Variants in LARP1 observed in about 807,000 individuals in gnomAD.
The protein encoded by LARP1 is la-related protein 1.
LARP1 carries 36 observed loss-of-function variants against 122.7 expected under a neutral mutation model. The ratio of observed to expected loss-of-function variants is 0.29; its 90% CI spans 0.22 to 0.39. The LOEUF (loss-of-function observed/expected upper bound fraction) is 0.39, where lower values mean the gene tolerates loss of function less well. Ranked by LOEUF, LARP1 falls within the 10% of genes least tolerant of loss-of-function variation. The pLI, the probability that LARP1 is intolerant of heterozygous loss-of-function variation, is 1.00. For missense variants in LARP1, 1,040 were observed against 1,403.6 expected, an observed-to-expected ratio of 0.74 and a Z score of 4.14; for synonymous variants, 539 against 528.7, an observed-to-expected ratio of 1.02 and a Z score of -0.27.
intron 1 of LARP1, among the ~76,000 whole-genome samples, chr5:154,734,167 C>CA (rs200029143): frequency 0.018 from 2,245 of 124,348 alleles, 56 homozygotes; most frequent in South Asian, 0.1. Flanking sequence ...AACTCCCTCT[C>CA]AAAAAAAAAA....
At chr5:154,770,971 G>T (rs1205669399) in intron 1 of LARP1, among the ~76,000 whole-genome samples, 5 of 152,130 alleles carry the variant, frequency 3.3e-5, no homozygotes, top group African/African-American at 1.2e-4. Flanking sequence ...AATTAGCCAG[G>T]CGTGGCAGCA....
At chr5:154,735,236 C>T (rs1756806269) in intron 1 of LARP1, among the ~76,000 whole-genome samples, 1 of 152,112 alleles carries the variant, frequency 6.6e-6, no homozygotes, top group Non-Finnish European at 1.5e-5. Context: ...GGGCAGGTCA[C>T]CTGAGGTCAG....
chr5:154,710,752 A>G (rs1375294510), upstream of LARP1, among the ~76,000 whole-genome samples: 1 of 151,670 alleles, frequency 6.6e-6, no homozygotes, highest in African/African-American at 2.4e-5. Context: ...CAAAAAAAAA[A>G]AAAAAAAAAA....
chr5:154,804,560 G>C (rs1023064038), intron 14 of LARP1, among the ~76,000 whole-genome samples: 1 of 152,138 alleles, frequency 6.6e-6, no homozygotes, highest in Non-Finnish European at 1.5e-5. Context: ...TCTCTGAATT[G>C]GTTTCCAAGC....
rs1757570953 is a variant in LARP1 at position 154,794,210 on chromosome 5, G to A, written c.1180G>A (p.Glu394Lys). ...CTACTTTGACAATGTCAGCAGCACC[G>A]AGCTTTACAGTGTGGATCAGGAACT... Reference protein sequence around the residue: ...TYYFDNVSSTELYSVDQELLK... With the variant: ...TYYFDNVSSTKLYSVDQELLK... The change falls in exon 7 of 19, where the codon GAG (glutamate) becomes AAG (lysine). Residue 394 changes from glutamate (E) to lysine (K), a missense_variant. Glu to Lys is a moderately conservative substitution (Grantham distance 56). Coordinates refer to ENST00000518297, the MANE Select transcript of LARP1 (RefSeq NM_033551.3). 1.2e-6 allele frequency: 2 copies of A among 1,614,154 alleles called. No homozygotes were observed. The highest frequency in any genetic ancestry group is 2.2e-5 in the South Asian group (2 of 91,072).
intron 8 of LARP1, among the ~76,000 whole-genome samples, chr5:154,798,144 C>T (rs1758040432): frequency 6.6e-6 from 1 of 151,930 alleles, no homozygotes; most frequent in Non-Finnish European, 1.5e-5. Flanking sequence ...TTCTCCCTAC[C>T]CCTATAATTT....
At chr5:154,812,844 C>A (rs903876827) in intron 18 of LARP1, among the ~76,000 whole-genome samples, 1 of 151,994 alleles carries the variant, frequency 6.6e-6, no homozygotes, top group Non-Finnish European at 1.5e-5. Flanking sequence ...ACCGTCAGAT[C>A]TTGTGAGAAC....
At chr5:154,779,696 C>T (rs773529596) in intron 1 of LARP1, among the ~76,000 whole-genome samples, 17 of 151,902 alleles carry the variant, frequency 1.1e-4, no homozygotes, top group East Asian at 1.9e-4. Context: ...TTAGTAGAGA[C>T]GGGGTTTCTC....
At chr5:154,795,893 T>C (rs1457761068) in intron 8 of LARP1, among the ~76,000 whole-genome samples, 5 of 128,598 alleles carry the variant, frequency 3.9e-5, no homozygotes, top group East Asian at 4.1e-4. Context: ...CATTTATATA[T>C]ATTTATATAT....
chr5:154,779,505 C>A (rs914782805), intron 1 of LARP1, among the ~76,000 whole-genome samples: 1 of 123,204 alleles, frequency 8.1e-6, no homozygotes, highest in Non-Finnish European at 1.7e-5. Flanking sequence ...TACATTCTCT[C>A]TTTTTTTTTT....
chr5:154,684,009 A>G (rs1336608209), intron 1 of LARP1, among the ~76,000 whole-genome samples: 1 of 152,164 alleles, frequency 6.6e-6, no homozygotes, highest in Admixed American at 6.5e-5. Flanking sequence ...ATTTGGTTAT[A>G]AGAAGTTGTT....
At chr5:154,772,980 C>CT (rs545991732) in intron 1 of LARP1, among the ~76,000 whole-genome samples, 14,607 of 114,964 alleles carry the variant, frequency 0.13, 1,280 homozygotes, top group African/African-American at 0.24. Flanking sequence ...CGCACCTGGC[C>CT]TTTTTTTTTT....
In LARP1 at chr5:154,790,560, T is replaced by C. The variant is rs116587292; in HGVS notation, c.499-85T>C. The C allele has an allele frequency of 4.0e-3, 5,913 of 1,485,100 alleles. 19 individuals carry two copies. The highest frequency in any genetic ancestry group is 0.011 in the Middle Eastern group (66 of 5,800). The allele number at this position is 1,485,100 out of a possible 1,614,324, so 92.0% of individuals were successfully genotyped here. On this transcript the variant is annotated intron_variant, in intron 2 of 18. Transcript: ENST00000518297. ...CTGGTGAACAGACTGATTTGGCCTCTGATCTCTTGGTGAAGCTTGGGTCGG... is the reference window on the plus strand; with the variant it reads ...CTGGTGAACAGACTGATTTGGCCTCCGATCTCTTGGTGAAGCTTGGGTCGG...
intron 1 of LARP1, among the ~76,000 whole-genome samples, chr5:154,717,374 C>G (rs1755575698): frequency 6.6e-6 from 1 of 152,166 alleles, no homozygotes; most frequent in Non-Finnish European, 1.5e-5. Flanking sequence ...CATAGCTGGG[C>G]CCTGGTCCTA....
intron 1 of LARP1, among the ~76,000 whole-genome samples, chr5:154,785,350 T>C (rs1756799577): frequency 6.6e-6 from 1 of 152,264 alleles, no homozygotes; most frequent in African/African-American, 2.4e-5. Context: ...TCTGATTCTT[T>C]CATTTTGAGA....
chr5:154,755,781 G>C lies in LARP1; in HGVS notation c.24G>C (p.Leu8=). 1.0e-6 allele frequency: 1 copy of C among 989,184 alleles called. No homozygotes were observed. The highest frequency in any genetic ancestry group is 1.2e-6 in the Non-Finnish European group (1 of 832,020). 61.3% of individuals were successfully genotyped at this position (989,184 alleles called of 1,614,324 possible). The change falls in exon 1 of 19, where the codon CTG becomes CTC. Residue 8 remains leucine, a synonymous_variant. Coordinates refer to ENST00000518297, the MANE Select transcript of LARP1 (RefSeq NM_033551.3). MATQVEP[L]LPGGATLLQA... ...AGATGGCCACTCAGGTGGAGCCGCTGCTGCCTGGGGGCGCCACGCTCTTGC... is the reference window on the plus strand; with the variant it reads ...AGATGGCCACTCAGGTGGAGCCGCTCCTGCCTGGGGGCGCCACGCTCTTGC...
intron 1 of LARP1, among the ~76,000 whole-genome samples, chr5:154,739,741 C>G (rs981896191): frequency 1.3e-5 from 2 of 152,158 alleles, no homozygotes; most frequent in African/African-American, 4.8e-5. Flanking sequence ...AATATTCTTT[C>G]TCTTTATTCA....
Position 154,794,089 on chromosome 5 carries a change from T to G in LARP1, c.1070-11T>G, listed in dbSNP as rs755705001. 8 of 1,613,978 alleles carry G rather than the reference T, an allele frequency of 5.0e-6. No individual in the cohort carries two copies. In the African/African-American group the frequency reaches 1.1e-4, roughly 22 times the overall value. On this transcript the variant is annotated splice_polypyrimidine_tract_variant and intron_variant, in intron 6 of 18. Transcript: ENST00000518297. Reference sequence around the variant, plus strand: ...ATCTCCTCTCCCTCATGGCACCCGTTTCCCCCATAGCCCATTTTGACTACC... The same window carrying G: ...ATCTCCTCTCCCTCATGGCACCCGTGTCCCCCATAGCCCATTTTGACTACC...
chr5:154,798,219 A>G (rs1366108772), intron 8 of LARP1, among the ~76,000 whole-genome samples: 1 of 152,226 alleles, frequency 6.6e-6, no homozygotes, highest in Admixed American at 6.5e-5. Flanking sequence ...TGGTATAGTC[A>G]TAGAAGTCTG....
Sources: allele counts gnomAD v4.1 joint callset (sites outside exome capture counted in the v4.1 genomes callset), GRCh38; gene constraint gnomAD v4.1.1; transcripts MANE v1.5; gene names NCBI Gene and HGNC (gene_info 2026-07-23, HGNC 2026-07-21).